Variants in DCBLD1 observed in about 807,000 individuals in gnomAD.
DCBLD1 encodes discoidin, CUB and LCCL domain containing 1.
In DCBLD1, 57 loss-of-function variants were observed where a neutral mutation model predicts 71.5. The ratio of observed to expected loss-of-function variants is 0.80; its 90% CI spans 0.64 to 0.99. DCBLD1 has a LOEUF of 0.99. Among genes scored for constraint, DCBLD1 ranks in the 50% least tolerant of loss-of-function variants. The pLI, the probability that DCBLD1 is intolerant of heterozygous loss-of-function variation, is 0.00. For missense variants in DCBLD1, 891 were observed against 923.5 expected, an observed-to-expected ratio of 0.96 and a Z score of 0.46; for synonymous variants, 380 against 363.8, an observed-to-expected ratio of 1.04 and a Z score of -0.51.
intron 1 of DCBLD1, among the ~76,000 whole-genome samples, chr6:117,502,525 G>T (rs1210955841): frequency 2.0e-5 from 3 of 152,278 alleles, no homozygotes; most frequent in Middle Eastern, 6.8e-3. Flanking sequence ...CAAGAAGGAA[G>T]TGGAATAAAG....
At chr6:117,530,499 C>T (rs903938796) in intron 5 of DCBLD1, among the ~76,000 whole-genome samples, 2 of 152,218 alleles carry the variant, frequency 1.3e-5, no homozygotes, top group African/African-American at 2.4e-5. Flanking sequence ...TCCTCACCTC[C>T]TGCTGTGTGG....
chr6:117,500,103 C>T (rs1173334977), intron 1 of DCBLD1, among the ~76,000 whole-genome samples: 1 of 152,250 alleles, frequency 6.6e-6, no homozygotes, highest in African/African-American at 2.4e-5. Context: ...GGCATTTTCT[C>T]TCCCTAGCAG....
At chr6:117,499,734 T>C (rs1042613499) in intron 1 of DCBLD1, among the ~76,000 whole-genome samples, 4 of 152,202 alleles carry the variant, frequency 2.6e-5, no homozygotes, top group Admixed American at 6.5e-5. Flanking sequence ...AACTGATAGA[T>C]TTTTAAGTAA....
In DCBLD1 at chr6:117,532,355, A is replaced by T. The variant is rs1778752293; in HGVS notation, c.681A>T (p.Arg227=). ...TGCTTCAGCGCAAAGGGATCAGTCG[A>T]TATGAAGGGATTCTGGCCAATGGTG... is the stretch of plus-strand genomic sequence containing the variant. ...ISVLQRKGIS[R]YEGILANGVL... The change falls in exon 6 of 15, where the codon CGA becomes CGT. Residue 227 remains arginine (R), a synonymous_variant. Coordinates refer to ENST00000338728, the MANE Select transcript of DCBLD1 (RefSeq NM_001366458.2). 5 of 1,612,840 alleles carry T rather than the reference A, an allele frequency of 3.1e-6. No individual in the cohort carries two copies. Among genetic ancestry groups the T allele is most frequent in the Non-Finnish European group, 4.2e-6 (5 of 1,179,692 alleles).
chr6:117,565,666 C>T (rs1345965783), intron 14 of DCBLD1, among the ~76,000 whole-genome samples: 2 of 152,166 alleles, frequency 1.3e-5, no homozygotes, highest in Non-Finnish European at 2.9e-5. Flanking sequence ...CTGTCAAGCT[C>T]ATGGTGATCA....
At chr6:117,552,307 A>G (rs908761691), downstream of DCBLD1, among the ~76,000 whole-genome samples, 1 of 152,220 alleles carries the variant, frequency 6.6e-6, no homozygotes, top group Admixed American at 6.5e-5. Context: ...AGACTATATT[A>G]TAGTGTTTTG....
At chr6:117,521,957 C>G (rs1043953458) in intron 4 of DCBLD1, among the ~76,000 whole-genome samples, 4 of 152,218 alleles carry the variant, frequency 2.6e-5, no homozygotes, top group African/African-American at 9.7e-5. Flanking sequence ...TTGCTGACCC[C>G]TGAGTTCCAC....
intron 4 of DCBLD1, among the ~76,000 whole-genome samples, chr6:117,525,030 C>T (rs1401586867): frequency 1.3e-5 from 2 of 151,982 alleles, no homozygotes; most frequent in Non-Finnish European, 1.5e-5. Context: ...CTTATAGAAA[C>T]AAGATTATAC....
intron 2 of DCBLD1, among the ~76,000 whole-genome samples, chr6:117,516,313 A>T (rs1778196259): frequency 1.3e-5 from 2 of 151,766 alleles, no homozygotes; most frequent in Non-Finnish European, 2.9e-5. Flanking sequence ...GTGAGCCGAG[A>T]TCATGCCACT....
intron 2 of DCBLD1, among the ~76,000 whole-genome samples, chr6:117,504,478 A>C (rs1777772195): frequency 6.6e-6 from 1 of 152,184 alleles, no homozygotes; most frequent in Non-Finnish European, 1.5e-5. Flanking sequence ...AGGCATCCAA[A>C]GGTGATGTAG....
At chr6:117,565,439 C>T (rs1474893593) in intron 14 of DCBLD1, among the ~76,000 whole-genome samples, 6 of 152,164 alleles carry the variant, frequency 3.9e-5, no homozygotes, top group African/African-American at 1.4e-4. Context: ...ACTTTTCACA[C>T]TCTGTTATAT....
intron 14 of DCBLD1, chr6:117,560,781 A>C (rs1000627577): frequency 9.5e-6 from 2 of 210,788 alleles, no homozygotes; most frequent in African/African-American, 4.5e-5. Context: ...CATTTTATTA[A>C]AACGTTTTCT....
At position 117,538,626 on chromosome 6, in the gene DCBLD1, G is replaced by A; in HGVS notation, c.767G>A (p.Ser256Asn). 1 of 1,613,816 alleles carries A rather than the reference G, an allele frequency of 6.2e-7. No individual in the cohort carries two copies. Residue 256 changes from serine (S) to asparagine (N), a missense_variant, in exon 8 of 15, where the codon AGC becomes AAC. Transcript: ENST00000338728. ...TACTGCACTCTTTTTTCAGGTTGCA[G>A]CAGATCCTTGAGTTTTGAACCTGAC... is the stretch of plus-strand genomic sequence containing the variant. ...KRFLFTSNGC[S>N]RSLSFEPDGQ...
chr6:117,503,586 A>T (rs1777734460), intron 1 of DCBLD1, 181 bp from the exon 2 acceptor site: 1 of 621,360 alleles, frequency 1.6e-6, no homozygotes, highest in East Asian at 2.8e-5. Context: ...AAAACAAGAG[A>T]TGAAATAACC....
chr6:117,526,884 G>A (rs1778561834), intron 5 of DCBLD1, among the ~76,000 whole-genome samples: 1 of 152,204 alleles, frequency 6.6e-6, no homozygotes, highest in Non-Finnish European at 1.5e-5. Context: ...GACTGGACAT[G>A]GTTTAGCTGG....
chr6:117,558,175 G>C (rs1583043013), intron 14 of DCBLD1, among the ~76,000 whole-genome samples: 1 of 152,214 alleles, frequency 6.6e-6, no homozygotes, highest in Non-Finnish European at 1.5e-5. Flanking sequence ...AGGTTTCGCT[G>C]AACATTCAAG....
At chr6:117,521,653 C>A (rs561755413) in intron 4 of DCBLD1, 77 bp downstream of exon 4, 4 of 1,241,530 alleles carry the variant, frequency 3.2e-6, no homozygotes, top group South Asian at 2.8e-5. Context: ...AAACCAGATA[C>A]GTTTGTACTT....
intron 4 of DCBLD1, among the ~76,000 whole-genome samples, chr6:117,523,475 G>A (rs1562448780): frequency 6.6e-6 from 1 of 152,154 alleles, no homozygotes; most frequent in East Asian, 1.9e-4. Flanking sequence ...GTATTTTAAT[G>A]TTTTTTATTA....
intron 14 of DCBLD1, chr6:117,562,740 A>T (rs1363194990): frequency 4.8e-6 from 1 of 207,298 alleles, no homozygotes; most frequent in Admixed American, 5.9e-5. Context: ...ATGCACAATA[A>T]ATTTTTTTAA....
Sources: allele counts gnomAD v4.1 joint callset (sites outside exome capture counted in the v4.1 genomes callset), GRCh38; gene constraint gnomAD v4.1.1; transcripts MANE v1.5; gene names NCBI Gene and HGNC (gene_info 2026-07-23, HGNC 2026-07-21).